Variants in SLC16A12 observed in about 807,000 individuals in gnomAD.
The protein encoded by SLC16A12 is monocarboxylate transporter 12.
Under a neutral mutation model 42.4 loss-of-function variants are expected in SLC16A12, and 17 were observed. That is an observed-to-expected ratio of 0.40 (90% CI 0.27 to 0.60). SLC16A12 has a LOEUF of 0.60. Ranked by LOEUF, SLC16A12 falls within the 20% of genes least tolerant of loss-of-function variation. The pLI is 0.42. For synonymous variants in SLC16A12, 224 were observed against 229.4 expected (o/e 0.98, Z 0.21); for missense variants, 544 against 623.0 (o/e 0.87, Z 1.35).
chr10:89,494,292 A>G (rs943999349), intron 2 of SLC16A12, among the ~76,000 whole-genome samples: 17 of 152,226 alleles, frequency 1.1e-4, no homozygotes, highest in Non-Finnish European at 1.3e-4. Flanking sequence ...TTGGAGTGAC[A>G]TTTGGCAGTA....
chr10:89,546,959 C>T (rs1215347827), intron 2 of SLC16A12, among the ~76,000 whole-genome samples: 3 of 152,158 alleles, frequency 2.0e-5, no homozygotes, highest in South Asian at 2.1e-4. Flanking sequence ...CGCATATTCT[C>T]CCTCATAAGT....
rs1462463449 is a variant in SLC16A12 at position 89,443,806 on chromosome 10, G to A, written c.254C>T (p.Ala85Val). Reference protein sequence around the residue: ...EFQTYFTQDYAQTAWIHSIVD... With the variant: ...EFQTYFTQDYVQTAWIHSIVD... Reference sequence around the variant, plus strand: ...AATGGAATGGATCCATGCCGTTTGTGCGTAATCCTGAGTGAAGTATGTCTG... The same window carrying A: ...AATGGAATGGATCCATGCCGTTTGTACGTAATCCTGAGTGAAGTATGTCTG... The change falls in exon 4 of 8, where the codon GCA becomes GTA. Residue 85 changes from alanine to valine, a missense_variant. By Grantham distance (64) the Ala-to-Val change is moderately conservative. Transcript: ENST00000371790. 1 of 1,614,006 alleles carries A rather than the reference G, an allele frequency of 6.2e-7. No individual in the cohort carries two copies. The highest frequency in any genetic ancestry group is 8.5e-7 in the Non-Finnish European group (1 of 1,179,880).
chr10:89,554,098 A>G (rs1291658730), intron 2 of SLC16A12, among the ~76,000 whole-genome samples: 1 of 110,378 alleles, frequency 9.1e-6, no homozygotes, highest in African/African-American at 3.2e-5. Context: ...GAAAGAAAGA[A>G]AGAAGGAAGG....
intron 2 of SLC16A12, among the ~76,000 whole-genome samples, chr10:89,476,854 C>G (rs1325530340): frequency 6.6e-6 from 1 of 152,216 alleles, no homozygotes; most frequent in Non-Finnish European, 1.5e-5. Flanking sequence ...CGCAGGAGGG[C>G]TCACCTACAG....
At chr10:89,544,399 A>T (rs1372339762) in intron 2 of SLC16A12, among the ~76,000 whole-genome samples, 2 of 152,206 alleles carry the variant, frequency 1.3e-5, no homozygotes, top group African/African-American at 4.8e-5. Context: ...AGACTTTATG[A>T]CCTACCCTTT....
chr10:89,532,462 T>C (rs1843570395), intron 2 of SLC16A12, among the ~76,000 whole-genome samples: 1 of 152,202 alleles, frequency 6.6e-6, no homozygotes, highest in African/African-American at 2.4e-5. Context: ...AATCTTTCTG[T>C]TCAAAATCCC....
chr10:89,456,975 T>C (rs1391564999), intron 3 of SLC16A12, among the ~76,000 whole-genome samples: 2 of 152,216 alleles, frequency 1.3e-5, no homozygotes, highest in African/African-American at 2.4e-5. Context: ...TTTGGGTTGA[T>C]TCCATGTCTT....
At chr10:89,454,025 T>C (rs1238324216) in intron 3 of SLC16A12, among the ~76,000 whole-genome samples, 1 of 151,944 alleles carries the variant, frequency 6.6e-6, no homozygotes, top group Non-Finnish European at 1.5e-5. Flanking sequence ...CCTCGCTCCC[T>C]CCCTTCCTTC....
rs1219676354 is a variant in SLC16A12 at position 89,448,822 on chromosome 10, T to C, written c.201-4963A>G. Among the ~76,000 whole-genome samples the C allele has an allele frequency of 2.6e-5, 4 of 152,234 alleles. No homozygotes were observed. The East Asian group carries it at 7.7e-4, about 29-fold the overall frequency. ...GGAAAAGAGGAAGTCAAATTGTCCCTGTTTGCAGATGACATGATTGTATAT... is the reference window on the plus strand; with the variant it reads ...GGAAAAGAGGAAGTCAAATTGTCCCCGTTTGCAGATGACATGATTGTATAT... On this transcript the variant is annotated intron_variant, in intron 3 of 7. Coordinates refer to ENST00000371790, the MANE Select transcript of SLC16A12 (RefSeq NM_213606.4).
intron 4 of SLC16A12, among the ~76,000 whole-genome samples, 169 bp downstream of exon 4, chr10:89,443,587 G>A (rs1020535502): frequency 6.6e-6 from 1 of 152,196 alleles, no homozygotes; most frequent in African/African-American, 2.4e-5. Context: ...AGTCTGGTTG[G>A]CTTTGGCTGA....
At chr10:89,460,615 T>C (rs991189251) in intron 3 of SLC16A12, among the ~76,000 whole-genome samples, 65 of 151,678 alleles carry the variant, frequency 4.3e-4, no homozygotes, top group African/African-American at 1.5e-3. Flanking sequence ...CAAAATTTTG[T>C]ATCCCTGTAA....
At chr10:89,530,544 A>C (rs1843531567) in intron 2 of SLC16A12, among the ~76,000 whole-genome samples, 1 of 151,700 alleles carries the variant, frequency 6.6e-6, no homozygotes, top group Non-Finnish European at 1.5e-5. Flanking sequence ...CAGCCTCCCG[A>C]GTAGCTGGGA....
In SLC16A12 at chr10:89,518,341, T is replaced by C. The variant is rs565911223; in HGVS notation, c.-47+16160A>G. Among the ~76,000 whole-genome samples the C allele has an allele frequency of 2.4e-4, 36 of 152,314 alleles. No individual in the cohort carries two copies. In the East Asian group the frequency reaches 6.0e-3, roughly 25 times the overall value. On this transcript the variant is annotated intron_variant, in intron 2 of 7. Coordinates refer to ENST00000371790, the MANE Select transcript of SLC16A12 (RefSeq NM_213606.4). ...GTGTCCTGGTCCCCAGAGCCCAGCA[T>C]GCCACAAGCCTCACCGAGGTAGGTC...
intron 3 of SLC16A12, among the ~76,000 whole-genome samples, chr10:89,447,370 T>G (rs957845364): frequency 6.6e-6 from 1 of 152,102 alleles, no homozygotes; most frequent in Admixed American, 6.6e-5. Context: ...AACCACTCCT[T>G]AGCAAATGTA....
intron 2 of SLC16A12, among the ~76,000 whole-genome samples, chr10:89,550,449 G>A (rs996828360): frequency 6.6e-6 from 1 of 152,196 alleles, no homozygotes; most frequent in Non-Finnish European, 1.5e-5. Flanking sequence ...AATCCGGGAG[G>A]CGGAGGTTGC....
chr10:89,445,959 T>C (rs923605359), intron 3 of SLC16A12, among the ~76,000 whole-genome samples: 1 of 152,108 alleles, frequency 6.6e-6, no homozygotes, highest in African/African-American at 2.4e-5. Context: ...ACGTGACGCA[T>C]ACACAAGCTT....
Position 89,462,471 on chromosome 10 carries a change from T to G in SLC16A12, c.108A>C (p.Arg36Ser), listed in dbSNP as rs149516753. 1 of 1,614,042 alleles carries G rather than the reference T, an allele frequency of 6.2e-7. No homozygotes were observed. Among genetic ancestry groups the G allele is most frequent in the African/African-American group, 1.3e-5 (1 of 75,014 alleles). The change falls in exon 3 of 8, where the codon AGA becomes AGC. Residue 36 changes from arginine to serine, a missense_variant. Arg to Ser is a moderately radical substitution (Grantham distance 110). Transcript: ENST00000371790. ...CATCTGGAGGGGAGGTAGACCGAGC[T>G]CTATTTACTTTTGCCATGGTTTTTC... The part of the protein sequence containing the change: ...EKRKTMAKVN[R>S]ARSTSPPDGG...
At chr10:89,553,542 A>G (rs767881724) in intron 2 of SLC16A12, among the ~76,000 whole-genome samples, 30 of 152,332 alleles carry the variant, frequency 2.0e-4, no homozygotes, top group Middle Eastern at 3.4e-3. Context: ...TTGATGACTC[A>G]ATGAAAAGAA....
chr10:89,546,364 G>T (rs1843742812), intron 2 of SLC16A12, among the ~76,000 whole-genome samples: 1 of 152,106 alleles, frequency 6.6e-6, no homozygotes, highest in African/African-American at 2.4e-5. Context: ...CCATCAAAAA[G>T]TGAGCAAAGG....
Sources: allele counts gnomAD v4.1 joint callset (sites outside exome capture counted in the v4.1 genomes callset), GRCh38; gene constraint gnomAD v4.1.1; transcripts MANE v1.5; gene names NCBI Gene and HGNC (gene_info 2026-07-23, HGNC 2026-07-21).